NEO1: variants seen among roughly 807,000 people sequenced by gnomAD.
The protein encoded by NEO1 is neogenin.
A neutral mutation model predicts 159.7 loss-of-function variants in NEO1; 63 were observed. The ratio of observed to expected loss-of-function variants is 0.39; its 90% confidence interval spans 0.32 to 0.49. NEO1 has a LOEUF of 0.49. Among genes scored for constraint, NEO1 ranks in the 20% least tolerant of loss-of-function variants. NEO1 has a pLI of 0.85. For synonymous variants in NEO1, 633 were observed against 662.0 expected, an observed-to-expected ratio of 0.96 and a Z score of 0.67; for missense variants, 1,615 against 1,831.0, an observed-to-expected ratio of 0.88 and a Z score of 2.15.
chr15:73,222,126 A>G (rs1354651688), intron 7 of NEO1: 1 of 28,844 alleles, frequency 3.5e-5, no homozygotes, highest in Non-Finnish European at 8.4e-5. Flanking sequence ...TTTTTTTGAG[A>G]CAGAGTCTTG....
chr15:73,250,375 T>C (rs921824010), intron 11 of NEO1, among the ~76,000 whole-genome samples: 18 of 152,198 alleles, frequency 1.2e-4, no homozygotes, highest in Non-Finnish European at 2.2e-4. Flanking sequence ...CTAAATCTTA[T>C]GTTTTAGAAA....
chr15:73,097,922 T>A (rs1490017564), intron 1 of NEO1, among the ~76,000 whole-genome samples: 1 of 151,938 alleles, frequency 6.6e-6, no homozygotes, highest in Non-Finnish European at 1.5e-5. Context: ...GAAATACCTA[T>A]TTTTTAAAGT....
At chr15:73,171,020 C>T (rs2034927054) in intron 5 of NEO1, among the ~76,000 whole-genome samples, 1 of 151,390 alleles carries the variant, frequency 6.6e-6, no homozygotes, top group Admixed American at 6.6e-5. Flanking sequence ...AAAAAACTAG[C>T]CTGACTCCAA....
intron 7 of NEO1, among the ~76,000 whole-genome samples, chr15:73,200,649 T>C (rs2036823057): frequency 6.7e-6 from 1 of 150,152 alleles, no homozygotes; most frequent in African/African-American, 2.5e-5. Context: ...GGGCATAGAG[T>C]TGTTTATAGT....
intron 7 of NEO1, among the ~76,000 whole-genome samples, chr15:73,188,718 C>A (rs1358772201): frequency 6.6e-6 from 1 of 152,142 alleles, no homozygotes; most frequent in East Asian, 1.9e-4. Context: ...AATGATGTAA[C>A]AATTTACATT....
At chr15:73,087,468 G>A (rs566676430) in intron 1 of NEO1, among the ~76,000 whole-genome samples, 1 of 152,130 alleles carries the variant, frequency 6.6e-6, no homozygotes, top group African/African-American at 2.4e-5. Context: ...TAGTTTTCTT[G>A]TACTGTCTTT....
At chr15:73,109,419 C>A (rs748291765) in intron 1 of NEO1, among the ~76,000 whole-genome samples, 8 of 151,998 alleles carry the variant, frequency 5.3e-5, no homozygotes, top group Admixed American at 2.0e-4. Context: ...GGCTAGGATT[C>A]AAAAATATGT....
chr15:73,149,144 G>A (rs1335522400), intron 5 of NEO1, among the ~76,000 whole-genome samples: 3 of 152,012 alleles, frequency 2.0e-5, no homozygotes, highest in East Asian at 1.9e-4. Flanking sequence ...GTGCAACCCC[G>A]TCTCTACCAA....
intron 7 of NEO1, among the ~76,000 whole-genome samples, chr15:73,228,465 GTT>G (rs377106378): frequency 7.4e-6 from 1 of 135,040 alleles, no homozygotes. Context: ...TTGGGTATAA[GTT>G]TTTTTTTTTT....
chr15:73,262,211 C>A lies in NEO1; in HGVS notation c.2398+1746C>A, dbSNP rs996193436. Among the ~76,000 whole-genome samples the A allele has an allele frequency of 2.0e-5, 3 of 152,074 alleles. No individual in the cohort carries two copies. In the East Asian group the frequency reaches 5.8e-4, roughly 29 times the overall value. On this transcript the variant is annotated intron_variant, in intron 15 of 28. Coordinates refer to ENST00000261908, the MANE Select transcript of NEO1 (RefSeq NM_002499.4). ...TTTATGACTTTGGGATAGGCAAGGA[C>A]CTCTTAGGTTGTAAAACAGCACAAA...
At chr15:73,146,135 A>G (rs867286571) in intron 5 of NEO1, among the ~76,000 whole-genome samples, 1 of 152,224 alleles carries the variant, frequency 6.6e-6, no homozygotes, top group Non-Finnish European at 1.5e-5. Flanking sequence ...AATTATGCAC[A>G]TGTATTTTAT....
intron 5 of NEO1, among the ~76,000 whole-genome samples, chr15:73,139,764 C>G (rs1467309075): frequency 6.6e-6 from 1 of 152,154 alleles, no homozygotes; most frequent in Non-Finnish European, 1.5e-5. Context: ...ATTGTTCATG[C>G]AGTCTTACTG....
intron 7 of NEO1, among the ~76,000 whole-genome samples, chr15:73,211,574 G>T (rs1408817665): frequency 6.6e-6 from 1 of 152,172 alleles, no homozygotes; most frequent in East Asian, 1.9e-4. Flanking sequence ...AATTAGCCAG[G>T]CGTGGTGGCA....
chr15:73,230,054 C>T (rs1029956299), intron 7 of NEO1, among the ~76,000 whole-genome samples: 4 of 152,018 alleles, frequency 2.6e-5, no homozygotes, highest in Non-Finnish European at 4.4e-5. Flanking sequence ...TAATACTGAA[C>T]GCACAGGAAT....
intron 6 of NEO1, 137 bp from the exon 7 acceptor site, chr15:73,178,170 G>A (rs968806662): frequency 6.4e-6 from 5 of 782,862 alleles, no homozygotes; most frequent in Non-Finnish European, 9.9e-6. Context: ...GAGTTAACAA[G>A]TACTTGGATA....
chr15:73,244,553 C>G (rs573154084), intron 9 of NEO1, 55 bp downstream of exon 9: 3 of 1,578,238 alleles, frequency 1.9e-6, no homozygotes, highest in South Asian at 2.3e-5. Context: ...CTCTGAAGTT[C>G]TACCTTTGTT....
rs1236826331 is a variant in NEO1 at position 73,070,711 on chromosome 15, C to T, written c.130+17906C>T. 1.1e-4 allele frequency among the ~76,000 whole-genome samples: 16 copies of T among 147,780 alleles called. 1 individual carries two copies. Among genetic ancestry groups the T allele is most frequent in the Admixed American group, 1.1e-3 (16 of 15,114 alleles). Reference sequence around the variant, plus strand: ...CAAAGTTTAATTTATAAATTAGGTACAGTAAGATATTAATAATAACTAGAA... The same window carrying T: ...CAAAGTTTAATTTATAAATTAGGTATAGTAAGATATTAATAATAACTAGAA... On this transcript the variant is annotated intron_variant, in intron 1 of 28. Transcript: ENST00000261908.
rs565336046 is a variant in NEO1 at position 73,234,043 on chromosome 15, C to A, written c.1292-2304C>A. On this transcript the variant is annotated intron_variant, in intron 7 of 28. Coordinates refer to ENST00000261908, the MANE Select transcript of NEO1 (RefSeq NM_002499.4). ...CCTGGGCTCTTTCCGGTATGCTCTG[C>A]TGCCTCTCACACAGCAAACTTTCTC... Among the ~76,000 whole-genome samples the A allele has an allele frequency of 2.0e-5, 3 of 152,272 alleles. No individual in the cohort carries two copies. In the South Asian group the frequency reaches 6.2e-4, roughly 32 times the overall value.
At chr15:73,072,934 C>T (rs2068604571) in intron 1 of NEO1, among the ~76,000 whole-genome samples, 1 of 152,124 alleles carries the variant, frequency 6.6e-6, no homozygotes, top group Non-Finnish European at 1.5e-5. Context: ...TTAGGATTTG[C>T]ATAGCAGGAT....
Sources: allele counts gnomAD v4.1 joint callset (sites outside exome capture counted in the v4.1 genomes callset), GRCh38; gene constraint gnomAD v4.1.1; transcripts MANE v1.5; gene names NCBI Gene and HGNC (gene_info 2026-07-23, HGNC 2026-07-21).